Variants in MTCL1 observed in about 807,000 individuals in gnomAD.
MTCL1 encodes the protein microtubule crosslinking factor 1, also known as microtubule cross-linking factor 1.
MTCL1 carries 79 observed loss-of-function variants against 141.4 expected under a neutral mutation model. The ratio of observed to expected loss-of-function variants is 0.56; its 90% confidence interval spans 0.47 to 0.67. The LOEUF is 0.67. Among genes scored for constraint, MTCL1 ranks in the 30% least tolerant of loss-of-function variants. MTCL1 has a pLI of 0.00. For synonymous variants in MTCL1, 914 were observed against 875.8 expected (o/e 1.04, Z -0.77); for missense variants, 2,177 against 2,113.9 (o/e 1.03, Z -0.59).
Position 8,784,706 on chromosome 18 carries a change from C to T in MTCL1, c.1594C>T (p.Gln532Ter). 6.2e-7 allele frequency: 1 copy of T among 1,614,216 alleles called. No individual in the cohort carries two copies. The highest frequency in any genetic ancestry group is 8.5e-7 in the Non-Finnish European group (1 of 1,180,022). Residue 532 changes from glutamine to a stop codon, truncating the protein, a stop_gained, in exon 6 of 17, where the codon CAG (glutamine) becomes TAG (stop). Coordinates refer to ENST00000359865, the Ensembl canonical transcript of MTCL1. LOFTEE classifies it high-confidence loss of function. ...GAAAGAGCTGCAGGCCTTCCTGGAG[C>T]AGGTGAACCGCATTGGGGATGGCCT...
At chr18:8,720,053 G>A (rs2096158413) in intron 3 of MTCL1, 1 of 296,908 alleles carries the variant, frequency 3.4e-6, no homozygotes, top group Admixed American at 4.7e-5. Flanking sequence ...TTTAAATTTA[G>A]CAGTTTGGGG....
chr18:8,736,203 A>G lies in MTCL1; in HGVS notation c.357+15707A>G, dbSNP rs1323807096. Among the ~76,000 whole-genome samples the G allele has an allele frequency of 3.3e-5, 5 of 152,218 alleles. No homozygotes were observed. In the South Asian group the frequency reaches 8.3e-4, roughly 25 times the overall value. ...GCTGCCAATTACATGATGACATGCC[A>G]TAGATCATAACATGCAGCCTGATTT... On this transcript the variant is annotated intron_variant, in intron 4 of 16. Coordinates refer to ENST00000359865, the Ensembl canonical transcript of MTCL1.
intron 4 of MTCL1, among the ~76,000 whole-genome samples, chr18:8,731,889 A>G (rs1444784451): frequency 6.6e-6 from 1 of 150,688 alleles, no homozygotes; most frequent in Admixed American, 6.6e-5. Context: ...TTGTATTTTC[A>G]GTAGAGACGG....
chr18:8,725,400 G>T (rs565106783), intron 4 of MTCL1, among the ~76,000 whole-genome samples: 7 of 152,276 alleles, frequency 4.6e-5, no homozygotes, highest in African/African-American at 1.4e-4. Context: ...GTTTTGGGGT[G>T]CAGACTTTGA....
At chr18:8,824,558 T>C (rs951782743) in intron 14 of MTCL1, 141 bp from the exon 14 acceptor site, 2 of 671,076 alleles carry the variant, frequency 3.0e-6, no homozygotes, top group Non-Finnish European at 5.1e-6. Flanking sequence ...GTGCAGCACA[T>C]GAGCAGCTGA....
intron 5 of MTCL1, among the ~76,000 whole-genome samples, chr18:8,778,895 T>G (rs1208072676): frequency 6.6e-6 from 1 of 152,240 alleles, no homozygotes. Flanking sequence ...AGCATGGAGT[T>G]GCATTCGCCC....
At chr18:8,715,721 A>T (rs1007754993), upstream of MTCL1, among the ~76,000 whole-genome samples, 1 of 152,184 alleles carries the variant, frequency 6.6e-6, no homozygotes, top group Non-Finnish European at 1.5e-5. Flanking sequence ...TTCCCACTCT[A>T]TCGAAAGAGT....
intron 4 of MTCL1, among the ~76,000 whole-genome samples, chr18:8,775,172 G>A (rs536978157): frequency 7.9e-5 from 12 of 152,162 alleles, no homozygotes; most frequent in South Asian, 2.1e-4. Flanking sequence ...CCCTCACTGC[G>A]GGCCCTGATC....
chr18:8,796,544 A>C, intron 9 of MTCL1, 82 bp downstream of exon 8: 1 of 1,317,106 alleles, frequency 7.6e-7, no homozygotes, highest in Non-Finnish European at 1.1e-6. Context: ...CCCACCCTAC[A>C]CACAGTCATG....
intron 4 of MTCL1, among the ~76,000 whole-genome samples, chr18:8,772,213 A>C (rs1007960023): frequency 6.6e-6 from 1 of 152,176 alleles, no homozygotes; most frequent in Non-Finnish European, 1.5e-5. Flanking sequence ...CCCAACCCTC[A>C]GGGGGCTTCC....
intron 4 of MTCL1, among the ~76,000 whole-genome samples, chr18:8,726,946 C>T: frequency 6.6e-6 from 1 of 152,166 alleles, no homozygotes; most frequent in Non-Finnish European, 1.5e-5. Flanking sequence ...TCACCACCAT[C>T]CCGCCCATTC....
chr18:8,828,665 T>C lies in MTCL1; in HGVS notation c.4723-243T>C. 6.6e-6 allele frequency among the ~76,000 whole-genome samples: 1 copy of C among 152,158 alleles called. No individual in the cohort carries two copies. The highest frequency in any genetic ancestry group is 1.9e-4 in the East Asian group (1 of 5,182). On this transcript the variant is annotated intron_variant, in intron 15 of 16. Transcript: ENST00000359865. The surrounding 1 kb of genome is among the most constrained non-coding windows in gnomAD (Gnocchi z 5.2). ...ACTCCTCCATGGAGTTTCCTTCTTC[T>C]CTCTGGGCAGATGGCAGAGGGCAGG...
chr18:8,736,875 C>T (rs2096277134), intron 4 of MTCL1, among the ~76,000 whole-genome samples: 1 of 152,054 alleles, frequency 6.6e-6, no homozygotes, highest in African/African-American at 2.4e-5. Flanking sequence ...CTCCTGACCT[C>T]GTGATCTGCC....
At chr18:8,774,178 TC>T (rs2096495770) in intron 4 of MTCL1, among the ~76,000 whole-genome samples, 1 of 152,144 alleles carries the variant, frequency 6.6e-6, no homozygotes, top group Non-Finnish European at 1.5e-5. Context: ...TTCGCCAACT[TC>T]TGTTCTTGAT....
chr18:8,749,181 A>G (rs2096357469), intron 4 of MTCL1, among the ~76,000 whole-genome samples: 1 of 152,222 alleles, frequency 6.6e-6, no homozygotes, highest in Non-Finnish European at 1.5e-5. Flanking sequence ...CTGCAAGCTC[A>G]TTTCATAAAG....
upstream of MTCL1, among the ~76,000 whole-genome samples, chr18:8,716,568 C>CTTTTTTTT (rs1567928941): frequency 1.8e-5 from 2 of 108,890 alleles, no homozygotes; most frequent in African/African-American, 6.8e-5. Context: ...TCTTTTTGTT[C>CTTTTTTTT]ATTTTTTTTT....
chr18:8,799,931 A>C (rs2076058120), intron 10 of MTCL1, among the ~76,000 whole-genome samples: 1 of 152,182 alleles, frequency 6.6e-6, no homozygotes, highest in South Asian at 2.1e-4. Context: ...TTACCCACGA[A>C]AGTGGAGATG....
At chr18:8,714,352 C>T (rs978112752), upstream of MTCL1, among the ~76,000 whole-genome samples, 4 of 152,110 alleles carry the variant, frequency 2.6e-5, no homozygotes, top group Non-Finnish European at 2.9e-5. Context: ...TAATAAACGA[C>T]GCCTGTTCTG....
chr18:8,763,420 C>T (rs2096443268), intron 4 of MTCL1, among the ~76,000 whole-genome samples: 1 of 152,228 alleles, frequency 6.6e-6, no homozygotes, highest in African/African-American at 2.4e-5. Flanking sequence ...AATTGGATGC[C>T]AGTTCACTTC....
Sources: gnomAD v4.1 joint callset for allele counts (sites outside exome capture counted in the v4.1 genomes callset) on GRCh38, gnomAD v4.1.1 for gene constraint, Gnocchi (gnomAD v3.1) non-coding constraint, MANE v1.5 for transcripts, NCBI Gene and HGNC (gene_info 2026-07-23, HGNC 2026-07-21) for gene names.